The following RYR3 variants were observed in gnomAD, a reference collection of about 807,000 sequenced individuals.
The protein encoded by RYR3 is brain ryanodine receptor-calcium release channel.
In RYR3, 207 loss-of-function variants were observed where a neutral mutation model predicts 584.3. That is an observed-to-expected ratio of 0.35 (90% confidence interval 0.32 to 0.40). The LOEUF (loss-of-function observed/expected upper bound fraction) is 0.40. Ranked by LOEUF, RYR3 falls within the 10% of genes least tolerant of loss-of-function variation. The pLI, the probability that RYR3 is intolerant of heterozygous loss-of-function variation, is 1.00. For synonymous variants in RYR3, 2,416 were observed against 2,248.5 expected, an observed-to-expected ratio of 1.07 and a Z score of -2.11; for missense variants, 5,616 against 6,089.2, an observed-to-expected ratio of 0.92 and a Z score of 2.59.
At chr15:33,827,399 G>A (rs1373986065) in intron 85 of RYR3, 112 bp downstream of exon 85, 1 of 956,384 alleles carries the variant, frequency 1.0e-6, no homozygotes, top group Non-Finnish European at 1.6e-6. Flanking sequence ...CTATAAGGAA[G>A]GCGTTGTAAC....
chr15:33,816,172 C>A (rs937601532), intron 74 of RYR3, among the ~76,000 whole-genome samples: 4 of 152,196 alleles, frequency 2.6e-5, no homozygotes, highest in African/African-American at 4.8e-5. Context: ...ACTGTCCTCA[C>A]ATTTTGTAAA....
At chr15:33,582,985 G>C (rs752848901) in intron 14 of RYR3, among the ~76,000 whole-genome samples, 7 of 152,184 alleles carry the variant, frequency 4.6e-5, no homozygotes, top group South Asian at 4.1e-4. Flanking sequence ...CCTGTGGAGA[G>C]AAGGTTATTT....
At chr15:33,523,966 C>T (rs1337462170) in intron 3 of RYR3, among the ~76,000 whole-genome samples, 1 of 152,046 alleles carries the variant, frequency 6.6e-6, no homozygotes, top group African/African-American at 2.4e-5. Context: ...GATATGTGTC[C>T]CCATCTGCCT....
chr15:33,479,427 TA>T (rs71415521), intron 2 of RYR3, among the ~76,000 whole-genome samples: 3,969 of 48,062 alleles, frequency 0.083, 186 homozygotes, highest in African/African-American at 0.17. Context: ...TATAAAACTT[TA>T]AAAAAAAAAA....
At chr15:33,604,187 C>T (rs2059802803) in intron 18 of RYR3, among the ~76,000 whole-genome samples, 1 of 152,212 alleles carries the variant, frequency 6.6e-6, no homozygotes, top group Non-Finnish European at 1.5e-5. Context: ...GTGCCGTGTG[C>T]CCGTTACATA....
At chr15:33,822,377 C>A (rs1400880106) in intron 80 of RYR3, among the ~76,000 whole-genome samples, 2 of 152,328 alleles carry the variant, frequency 1.3e-5, no homozygotes, top group African/African-American at 4.8e-5. Context: ...TCCAGATTCA[C>A]AACCACCATT....
At chr15:33,862,867 T>C (rs1888907363) in intron 102 of RYR3, among the ~76,000 whole-genome samples, 1 of 152,226 alleles carries the variant, frequency 6.6e-6, no homozygotes, top group African/African-American at 2.4e-5. Flanking sequence ...TGCCTTGGCC[T>C]CAGCCTCCCA....
chr15:33,760,160 C>G (rs1338371358), intron 60 of RYR3, among the ~76,000 whole-genome samples: 1 of 152,144 alleles, frequency 6.6e-6, no homozygotes, highest in African/African-American at 2.4e-5. Flanking sequence ...AAGGAAAAAC[C>G]AGTACCAGCC....
chr15:33,549,981 G>T (rs914421092), intron 9 of RYR3, among the ~76,000 whole-genome samples, 179 bp from the exon 10 acceptor site: 2 of 152,202 alleles, frequency 1.3e-5, no homozygotes, highest in African/African-American at 2.4e-5. Flanking sequence ...AGAGCACTAT[G>T]CTGGGTTGTA....
chr15:33,355,073 A>T (rs1973778571), intron 1 of RYR3, among the ~76,000 whole-genome samples: 1 of 151,748 alleles, frequency 6.6e-6, no homozygotes, highest in African/African-American at 2.4e-5. Flanking sequence ...AATCCCTGCT[A>T]CTCAGGAGGC....
chr15:33,860,728 C>A, intron 101 of RYR3, 69 bp downstream of exon 101: 1 of 1,217,086 alleles, frequency 8.2e-7, no homozygotes, highest in Non-Finnish European at 1.2e-6. Context: ...ATTTTTTAAA[C>A]AATAGGTTTT....
intron 85 of RYR3, among the ~76,000 whole-genome samples, chr15:33,830,049 C>T (rs1469473938): frequency 6.6e-6 from 1 of 152,134 alleles, no homozygotes. Context: ...GGTGAAGATG[C>T]TCTAAACATT....
intron 1 of RYR3, among the ~76,000 whole-genome samples, chr15:33,333,382 T>C (rs1366062346): frequency 1.3e-5 from 2 of 152,156 alleles, no homozygotes; most frequent in Non-Finnish European, 2.9e-5. Flanking sequence ...GAATACAAGG[T>C]TGGTTTAACA....
In RYR3 at chr15:33,563,016, A is replaced by G. The variant is rs2057494981; in HGVS notation, c.1146+6A>G. 2 of 1,605,944 alleles carry G rather than the reference A, an allele frequency of 1.2e-6. No homozygotes were observed. Among genetic ancestry groups the G allele is most frequent in the Non-Finnish European group, 1.7e-6 (2 of 1,175,668 alleles). ...TGGGACCTCTAAAAAGAAAGGTGAG[A>G]GTCAGAATATCTGTCTACAATTGTT... On this transcript the variant is annotated splice_donor_region_variant and intron_variant, in intron 11 of 103. Coordinates refer to ENST00000634891, the MANE Select transcript of RYR3 (RefSeq NM_001036.6).
In RYR3 at chr15:33,521,424, C is replaced by T. The variant is rs141051032; in HGVS notation, c.280-9168C>T. Among the ~76,000 whole-genome samples the T allele has an allele frequency of 2.0e-5, 3 of 152,120 alleles. No individual in the cohort carries two copies. The East Asian group carries it at 5.8e-4, about 29-fold the overall frequency. On this transcript the variant is annotated intron_variant, in intron 3 of 103. Transcript: ENST00000634891. ...AAGGAGATTGCGCCACCTTCTCATCCAGGAAAAATAATTCTAGGCACTTCC... is the reference window on the plus strand; with the variant it reads ...AAGGAGATTGCGCCACCTTCTCATCTAGGAAAAATAATTCTAGGCACTTCC...
At chr15:33,382,319 C>CTTGTTT (rs2041248200) in intron 1 of RYR3, among the ~76,000 whole-genome samples, 1 of 104,780 alleles carries the variant, frequency 9.5e-6, no homozygotes, top group Non-Finnish European at 1.8e-5. Flanking sequence ...TTAAAAGTGG[C>CTTGTTT]TTTTTTTTTT....
chr15:33,633,721 T>C (rs2061371281), intron 24 of RYR3, among the ~76,000 whole-genome samples: 1 of 152,194 alleles, frequency 6.6e-6, no homozygotes, highest in African/African-American at 2.4e-5. Flanking sequence ...AACAGCATGT[T>C]ATACATATGA....
At chr15:33,376,649 C>A (rs574820039) in intron 1 of RYR3, among the ~76,000 whole-genome samples, 29 of 152,174 alleles carry the variant, frequency 1.9e-4, no homozygotes, top group Non-Finnish European at 3.7e-4. Flanking sequence ...GGAATGGGGT[C>A]TTGGTCTGAA....
At chr15:33,816,643 T>C (rs915785711) in intron 74 of RYR3, among the ~76,000 whole-genome samples, 2 of 152,170 alleles carry the variant, frequency 1.3e-5, no homozygotes, top group Non-Finnish European at 2.9e-5. Flanking sequence ...TTGCTAACCA[T>C]TGTCATTTTC....
Sources: allele counts gnomAD v4.1 joint callset (sites outside exome capture counted in the v4.1 genomes callset), GRCh38; gene constraint gnomAD v4.1.1; transcripts MANE v1.5; gene names NCBI Gene and HGNC (gene_info 2026-07-23, HGNC 2026-07-21).